The following MRPL28 variants were observed in gnomAD, a reference collection of about 807,000 sequenced individuals.
MRPL28 encodes large ribosomal subunit protein bL28m.
In MRPL28, 25 loss-of-function variants were observed where a neutral mutation model predicts 26.2. That is an observed-to-expected ratio of 0.95 (90% CI 0.69 to 1.33). The LOEUF (loss-of-function observed/expected upper bound fraction) is 1.33, where lower values mean the gene tolerates loss of function less well. Ranked by LOEUF, MRPL28 falls within the 40% of genes most tolerant of loss-of-function variation. MRPL28 has a pLI of 0.00. For synonymous variants in MRPL28, 227 were observed against 140.1 expected, an observed-to-expected ratio of 1.62 and a Z score of -4.38; for missense variants, 432 against 327.2, an observed-to-expected ratio of 1.32 and a Z score of -2.47.
chr16:368,980 C>T lies in MRPL28; in HGVS notation c.441+88G>A, dbSNP rs147899548. 4.3e-3 allele frequency: 6,272 copies of T among 1,473,482 alleles called. 33 individuals are homozygous for T. The highest frequency in any genetic ancestry group is 0.015 in the Middle Eastern group (62 of 4,096). 91.3% of individuals were successfully genotyped at this position (1,473,482 alleles called of 1,614,324 possible). On this transcript the variant is annotated intron_variant, in intron 3 of 5. Transcript: ENST00000199706. ...ACCCTCCTGTGCAGATGTCAGCGTG[C>T]CCCGGTGTGATGCTGACCTGGGGCT...
At chr16:368,128 C>A (rs1325409290) in intron 5 of MRPL28, among the ~76,000 whole-genome samples, 200 bp downstream of exon 5, 2 of 152,208 alleles carry the variant, frequency 1.3e-5, no homozygotes, top group Non-Finnish European at 2.9e-5. Flanking sequence ...TACTGAGGGT[C>A]CTGGGACAGA....
chr16:370,138 G>A lies in MRPL28; in HGVS notation c.81C>T (p.His27=), dbSNP rs766815519. ...GCTCCTCCTCCAGGGAGCGCAGGTA[G>A]TGGCCGGGCAGGCGGGAACAGATGC... ...REGICSRLPG[H]YLRSLEEERT... Residue 27 remains histidine, a synonymous_variant, in exon 2 of 6, where the codon CAC becomes CAT. Coordinates refer to ENST00000199706, the MANE Select transcript of MRPL28 (RefSeq NM_006428.5). 3 of 1,606,218 alleles carry A rather than the reference G, an allele frequency of 1.9e-6. No homozygotes were observed.
chr16:368,294 G>A (rs747946673), intron 5 of MRPL28, 34 bp downstream of exon 5: 7 of 1,606,762 alleles, frequency 4.4e-6, no homozygotes, highest in Non-Finnish European at 6.0e-6. Flanking sequence ...CCAGGCTCTG[G>A]GCAGGCAGCA....
intron 2 of MRPL28, chr16:369,447 G>A (rs544727809): frequency 2.1e-4 from 132 of 626,050 alleles, no homozygotes; most frequent in African/African-American, 5.7e-4. Context: ...CAAGCTGGGC[G>A]TTCCCGCCCT....
rs1423421039 is a variant in MRPL28 at position 370,071 on chromosome 16, A to C, written c.148T>G (p.Phe50Val). ...PVHYRPHGAKFKINPKNGQRE... is the reference protein window; with the variant it reads ...PVHYRPHGAKVKINPKNGQRE... ...TGCCCGTTCTTGGGGTTGATCTTGAACTTGGCCCCATGAGGCCTATAGTGC... is the reference window on the plus strand; with the variant it reads ...TGCCCGTTCTTGGGGTTGATCTTGACCTTGGCCCCATGAGGCCTATAGTGC... The change falls in exon 2 of 6, where the codon TTC becomes GTC. Residue 50 changes from phenylalanine (F) to valine (V), a missense_variant. Coordinates refer to ENST00000199706, the MANE Select transcript of MRPL28 (RefSeq NM_006428.5). 2 of 1,612,676 alleles carry C rather than the reference A, an allele frequency of 1.2e-6. No homozygotes were observed. Among genetic ancestry groups the C allele is most frequent in the Non-Finnish European group, 1.7e-6 (2 of 1,179,646 alleles).
intron 2 of MRPL28, 173 bp from the exon 3 acceptor site, chr16:369,393 G>T: frequency 1.3e-6 from 1 of 775,752 alleles, no homozygotes; most frequent in Non-Finnish European, 2.0e-6. Flanking sequence ...GCCCCAGCCC[G>T]ACCCGGGTCC....
In MRPL28 at chr16:368,328, C is replaced by T. The variant is rs1376044372; in HGVS notation, c.663G>A (p.Lys221=). Residue 221 remains lysine (K), a splice_region_variant and synonymous_variant, in exon 5 of 6, where the codon AAG becomes AAA. Coordinates refer to ENST00000199706, the MANE Select transcript of MRPL28 (RefSeq NM_006428.5). ...CATCGGCTGGTGCTCACACACTCAC[C>T]TTCTCCTCCAAAAGTCTCTGCTTCT... The part of the protein sequence containing the change: ...AIEKQRLLEE[K]DPVPLFKIYV... 2 of 1,613,432 alleles carry T rather than the reference C, an allele frequency of 1.2e-6. No individual in the cohort carries two copies. The highest frequency in any genetic ancestry group is 1.3e-5 in the African/African-American group (1 of 75,044).
intron 2 of MRPL28, 150 bp downstream of exon 2, chr16:369,781 A>T: frequency 9.6e-7 from 1 of 1,040,974 alleles, no homozygotes; most frequent in Non-Finnish European, 1.4e-6. Context: ...GCGGTTCTTC[A>T]CTCAGCGTGC....
chr16:368,250 C>G, intron 5 of MRPL28, 78 bp downstream of exon 5: 1 of 1,517,550 alleles, frequency 6.6e-7, no homozygotes, highest in African/African-American at 1.4e-5. Flanking sequence ...TGTGCAGGCT[C>G]TCTCCAAGGC....
In MRPL28 at chr16:367,527, G is replaced by T; in HGVS notation, c.*148C>A. 1 of 776,032 alleles carries T rather than the reference G, an allele frequency of 1.3e-6. No homozygotes were observed. The highest frequency in any genetic ancestry group is 2.2e-6 in the Non-Finnish European group (1 of 445,696). The allele number at this position is 776,032 out of a possible 1,614,324, so 48.1% of individuals were successfully genotyped here. A position where few individuals can be genotyped will look rare whatever the true frequency, so the allele number is the denominator to read the frequency against. Reference sequence around the variant, plus strand: ...GGGATCCCTGCCAAGCTGGCCCCGGGCTGGAAGGTGCATGGGCAGCACACG... The same window carrying T: ...GGGATCCCTGCCAAGCTGGCCCCGGTCTGGAAGGTGCATGGGCAGCACACG... On this transcript the variant is annotated 3_prime_UTR_variant, in exon 6 of 6. Coordinates refer to ENST00000199706, the MANE Select transcript of MRPL28 (RefSeq NM_006428.5).
chr16:369,440 G>A (rs895521426), intron 2 of MRPL28: 5 of 630,792 alleles, frequency 7.9e-6, no homozygotes, highest in African/African-American at 3.7e-5. Flanking sequence ...TCCCCAACAA[G>A]CTGGGCGTTC....
chr16:369,465 T>C (rs1032848059), intron 2 of MRPL28: 3 of 631,324 alleles, frequency 4.8e-6, no homozygotes, highest in Non-Finnish European at 8.6e-6. Context: ...CCTGGTCACA[T>C]GGTTGCTGCA....
Position 370,102 on chromosome 16 carries a change from A to G in MRPL28, c.117T>C (p.Thr39=). The G allele has an allele frequency of 6.2e-7, 1 of 1,610,858 alleles. No homozygotes were observed. The highest frequency in any genetic ancestry group is 8.5e-7 in the Non-Finnish European group (1 of 1,179,014). ...CCCCATGAGGCCTATAGTGCACGGG[A>G]GTGGGCGTCCGCTCCTCCTCCAGGG... ...LRSLEEERTP[T]PVHYRPHGAK... Residue 39 remains threonine, a synonymous_variant, in exon 2 of 6, where the codon ACT becomes ACC. Transcript: ENST00000199706.
intron 1 of MRPL28, 30 bp downstream of exon 1, chr16:370,468 GC>G (rs1161775333): frequency 2.9e-6 from 2 of 696,244 alleles, no homozygotes; most frequent in African/African-American, 1.0e-4. Context: ...CTGCCCCGGC[GC>G]CCCCCCACAC....
intron 3 of MRPL28, 105 bp from the exon 4 acceptor site, chr16:368,740 G>A (rs1172158089): frequency 1.6e-5 from 24 of 1,486,128 alleles, no homozygotes; most frequent in Non-Finnish European, 1.4e-5. Flanking sequence ...CCCAGGACAG[G>A]ACAGAGAAGG....
rs1421965783 is a variant in MRPL28, at chr16:367,677, A to C, written c.769T>G (p.Ter257GlyextTer21). 6.2e-7 allele frequency: 1 copy of C among 1,613,344 alleles called. No individual in the cohort carries two copies. The highest frequency in any genetic ancestry group is 8.5e-7 in the Non-Finnish European group (1 of 1,179,682). Residue 257 changes from the stop codon to glycine, a stop_lost, in exon 6 of 6, where the codon TGA (stop) becomes GGA (glycine). Coordinates refer to ENST00000199706, the MANE Select transcript of MRPL28 (RefSeq NM_006428.5). ...TCAGGCATGGAGGAGCTGTGTGGTC[A>C]CTGGCCACTGGCTCTCTTCTGCACC... ...AVVQKRASGQ[*>G]
At chr16:370,330 T>A (rs1423393873) in intron 1 of MRPL28, 105 bp from the exon 2 acceptor site, 34 of 1,011,660 alleles carry the variant, frequency 3.4e-5, no homozygotes, top group Admixed American at 1.0e-4. Context: ...GGCCCCCGGC[T>A]CTCACCCGCT....
At position 368,595 on chromosome 16, in the gene MRPL28, A is replaced by G; in HGVS notation, c.482T>C (p.Leu161Pro). 6.3e-7 allele frequency: 1 copy of G among 1,592,386 alleles called. No individual in the cohort carries two copies. The highest frequency in any genetic ancestry group is 8.6e-7 in the Non-Finnish European group (1 of 1,166,588). ...EDLCSKFGMD[L>P]KRGMLLRLAR... is the part of the protein sequence containing the mutation. ...AAGCCGCAGCAGCATCCCTCGCTTCAGGTCCATCCCAAACTTGGAGCACAG... is the reference window on the plus strand; with the variant it reads ...AAGCCGCAGCAGCATCCCTCGCTTCGGGTCCATCCCAAACTTGGAGCACAG... Residue 161 changes from leucine to proline, a missense_variant, in exon 4 of 6, where the codon CTG (leucine) becomes CCG (proline). Coordinates refer to ENST00000199706, the MANE Select transcript of MRPL28 (RefSeq NM_006428.5).
At chr16:369,563 C>T (rs1216813880) in intron 2 of MRPL28, 7 of 617,456 alleles carry the variant, frequency 1.1e-5, no homozygotes, top group African/African-American at 9.4e-5. Context: ...CAGGCTTCAG[C>T]AGTCCCGCCA....
Sources: gnomAD v4.1 joint callset for allele counts (sites outside exome capture counted in the v4.1 genomes callset) on GRCh38, gnomAD v4.1.1 for gene constraint, MANE v1.5 for transcripts, NCBI Gene and HGNC (gene_info 2026-07-23, HGNC 2026-07-21) for gene names.